Variants in MAP4K3 observed in about 807,000 individuals in gnomAD.
MAP4K3 encodes the protein mitogen-activated protein kinase kinase kinase kinase 3.
In MAP4K3, 94 loss-of-function variants were observed where a neutral mutation model predicts 143.5. That is an observed-to-expected ratio of 0.65 (90% CI 0.55 to 0.78). MAP4K3 has a LOEUF of 0.78. MAP4K3 is among the 30% of genes least tolerant of loss of function. The pLI is 0.00. For synonymous variants in MAP4K3, 416 were observed against 347.2 expected (o/e 1.20, Z -2.20); for missense variants, 1,077 against 1,068.1 (o/e 1.01, Z -0.12).
At chr2:39,359,869 A>G (rs1665717698) in intron 2 of MAP4K3, among the ~76,000 whole-genome samples, 1 of 152,174 alleles carries the variant, frequency 6.6e-6, no homozygotes, top group Non-Finnish European at 1.5e-5. Flanking sequence ...CAGCAGGGGG[A>G]GCCCTGGGCC....
chr2:39,330,145 A>G (rs1291331608), intron 8 of MAP4K3, among the ~76,000 whole-genome samples: 2 of 152,190 alleles, frequency 1.3e-5, no homozygotes, highest in Non-Finnish European at 2.9e-5. Flanking sequence ...AAAAGACATG[A>G]GTCTTTGGAT....
rs772316453 is a variant in MAP4K3 at position 39,436,952 on chromosome 2, C to A, written c.36G>T (p.Pro12=). 73 of 1,612,444 alleles carry A rather than the reference C, an allele frequency of 4.5e-5. 1 individual carries two copies. The East Asian group carries it at 1.5e-3, about 34-fold the overall frequency. Residue 12 remains proline (P), a synonymous_variant, in exon 1 of 34, where the codon CCG becomes CCT. Transcript: ENST00000263881. ...GCTGAATCAGCTCGAAGTCCTCCTGCGGGTTCCGGCGGGACAAATCGAAGC... is the reference window on the plus strand; with the variant it reads ...GCTGAATCAGCTCGAAGTCCTCCTGAGGGTTCCGGCGGGACAAATCGAAGC... The part of the protein sequence containing the change: ...NPGFDLSRRN[P]QEDFELIQRI...
At position 39,309,454 on chromosome 2, in the gene MAP4K3, T is replaced by A. The variant is rs774785441; in HGVS notation, c.1056+7A>T. The A allele has an allele frequency of 1.3e-6, 2 of 1,574,964 alleles. No individual in the cohort carries two copies. Among genetic ancestry groups the A allele is most frequent in the Non-Finnish European group, 1.7e-6 (2 of 1,158,586 alleles). On this transcript the variant is annotated splice_region_variant and intron_variant, in intron 14 of 33. Transcript: ENST00000263881. ...CAGTGCTAACATTCTAAGGCTATAC[T>A]ACTTACAAGTTCATGATGTGGTTCT...
In MAP4K3 at chr2:39,292,772, C is replaced by T; in HGVS notation, c.1271+1G>A. 6.2e-7 allele frequency: 1 copy of T among 1,612,398 alleles called. No homozygotes were observed. The highest frequency in any genetic ancestry group is 8.5e-7 in the Non-Finnish European group (1 of 1,178,702). On this transcript the variant is annotated splice_donor_variant, in intron 18 of 33. Transcript: ENST00000263881. LOFTEE classifies it high-confidence loss of function. ...TTACCAAAAACAGAGACAGAACTTA[C>T]TGTTTAGATTCATCATCATCTCCTT...
chr2:39,301,388 C>T (rs970562362), intron 15 of MAP4K3, among the ~76,000 whole-genome samples: 17 of 152,186 alleles, frequency 1.1e-4, no homozygotes, highest in African/African-American at 4.1e-4. Context: ...CAAAACTGCA[C>T]AGTTTAAGTG....
chr2:39,307,887 G>C (rs980389195), intron 15 of MAP4K3, 56 bp downstream of exon 15: 22 of 1,336,064 alleles, frequency 1.6e-5, no homozygotes, highest in Non-Finnish European at 2.0e-5. Context: ...GATCTTAAAA[G>C]AAAACAATTA....
chr2:39,354,248 C>T (rs1294526228), intron 3 of MAP4K3, among the ~76,000 whole-genome samples: 2 of 152,006 alleles, frequency 1.3e-5, no homozygotes, highest in East Asian at 1.9e-4. Context: ...TCGAGATCAT[C>T]CTGGCTAACA....
chr2:39,423,542 T>C (rs1034823308), intron 1 of MAP4K3, among the ~76,000 whole-genome samples: 1 of 152,196 alleles, frequency 6.6e-6, no homozygotes, highest in African/African-American at 2.4e-5. Context: ...GGTGAATGAA[T>C]AAACTGTGGT....
chr2:39,367,474 A>C (rs961560588), intron 2 of MAP4K3, among the ~76,000 whole-genome samples: 6 of 152,092 alleles, frequency 3.9e-5, no homozygotes, highest in African/African-American at 1.4e-4. Flanking sequence ...TGGGTGGTTG[A>C]GGCTGCAGTG....
intron 19 of MAP4K3, 73 bp from the exon 20 acceptor site, chr2:39,288,353 T>A (rs1485839111): frequency 2.9e-6 from 4 of 1,357,370 alleles, no homozygotes. Flanking sequence ...CTATTATACA[T>A]TAAAAGCTTT....
chr2:39,387,684 C>A (rs758349606), intron 1 of MAP4K3, among the ~76,000 whole-genome samples: 1 of 152,158 alleles, frequency 6.6e-6, no homozygotes, highest in Non-Finnish European at 1.5e-5. Context: ...GAGCAAATAA[C>A]CCAACAGATG....
At chr2:39,325,869 C>T (rs750787102) in intron 10 of MAP4K3, 30 bp downstream of exon 10, 2 of 1,561,142 alleles carry the variant, frequency 1.3e-6, no homozygotes, top group Non-Finnish European at 1.8e-6. Context: ...CTCATCTCAC[C>T]ATAAAAGTAA....
At chr2:39,329,733 G>A (rs1683621381) in intron 8 of MAP4K3, among the ~76,000 whole-genome samples, 1 of 152,196 alleles carries the variant, frequency 6.6e-6, no homozygotes, top group African/African-American at 2.4e-5. Flanking sequence ...AGAGGTTAAA[G>A]GGAGAGGACA....
chr2:39,293,172 C>A (rs1682123082), intron 17 of MAP4K3, 58 bp downstream of exon 17: 1 of 1,227,386 alleles, frequency 8.1e-7, no homozygotes. Flanking sequence ...GAGAAGAAGG[C>A]AAACTGACTT....
Position 39,290,395 on chromosome 2 carries a change from TA to T in MAP4K3, c.1272-62del, listed in dbSNP as rs1242740608. On this transcript the variant is annotated intron_variant, in intron 18 of 33. Transcript: ENST00000263881. ...TTTTACAAATGAATCAATCCTAAAA[TA>T]TAATAATTTTTTCAAAGACACATAA... The T allele has an allele frequency of 8.8e-5, 96 of 1,088,964 alleles. No individual in the cohort carries two copies. The Middle Eastern group carries it at 9.7e-4, about 11-fold the overall frequency. 67.5% of individuals were successfully genotyped at this position (1,088,964 alleles called of 1,614,324 possible).
At chr2:39,346,398 T>C (rs1031435794) in intron 3 of MAP4K3, among the ~76,000 whole-genome samples, 1 of 152,238 alleles carries the variant, frequency 6.6e-6, no homozygotes, top group Non-Finnish European at 1.5e-5. Context: ...ATAGGACTTT[T>C]TTCTTATTTG....
chr2:39,264,145 T>C (rs78805691), intron 28 of MAP4K3, among the ~76,000 whole-genome samples: 52 of 152,278 alleles, frequency 3.4e-4, no homozygotes, highest in African/African-American at 1.2e-3. Context: ...GTGTAGACTT[T>C]ACCATTCCAT....
intron 1 of MAP4K3, among the ~76,000 whole-genome samples, chr2:39,417,253 C>A (rs1217197138): frequency 6.7e-6 from 1 of 149,444 alleles, no homozygotes; most frequent in Non-Finnish European, 1.5e-5. Flanking sequence ...AGAGTCTTGC[C>A]CTGTCGCCCA....
intron 1 of MAP4K3, among the ~76,000 whole-genome samples, chr2:39,424,169 C>G (rs897363915): frequency 2.0e-5 from 3 of 152,146 alleles, no homozygotes; most frequent in African/African-American, 7.2e-5. Context: ...GTCTCGAACT[C>G]CTGACCTCAG....
Sources: allele counts gnomAD v4.1 joint callset (sites outside exome capture counted in the v4.1 genomes callset), GRCh38; gene constraint gnomAD v4.1.1; transcripts MANE v1.5; gene names NCBI Gene and HGNC (gene_info 2026-07-23, HGNC 2026-07-21).